The following MICU2 variants were observed in gnomAD, a reference collection of about 807,000 sequenced individuals.
MICU2 encodes calcium uptake protein 2, mitochondrial.
MICU2 carries 64 observed loss-of-function variants against 60.4 expected under a neutral mutation model. The observed-to-expected ratio is 1.06, with a 90% CI of 0.87 to 1.31. The LOEUF is 1.31. Ranked by LOEUF, MICU2 falls within the 50% of genes most tolerant of loss-of-function variation. MICU2 has a pLI of 0.00. For missense variants in MICU2, 569 were observed against 531.0 expected, an observed-to-expected ratio of 1.07 and a Z score of -0.70; for synonymous variants, 201 against 175.0, an observed-to-expected ratio of 1.15 and a Z score of -1.17.
chr13:21,573,625 A>C (rs539426401), intron 1 of MICU2, among the ~76,000 whole-genome samples: 2 of 152,268 alleles, frequency 1.3e-5, no homozygotes, highest in East Asian at 3.9e-4. Flanking sequence ...AGAGGACCTC[A>C]GGGGAAACTG....
chr13:21,533,956 G>A (rs1318285478), intron 4 of MICU2, among the ~76,000 whole-genome samples: 2 of 151,928 alleles, frequency 1.3e-5, no homozygotes, highest in East Asian at 3.9e-4. Flanking sequence ...ATAATTTCAT[G>A]TTTTTATTCA....
intron 7 of MICU2, among the ~76,000 whole-genome samples, chr13:21,513,607 G>C (rs1392448870): frequency 1.3e-5 from 2 of 151,712 alleles, no homozygotes; most frequent in Non-Finnish European, 2.9e-5. Flanking sequence ...TGTGTGGGTG[G>C]CATGTGCCTG....
intron 6 of MICU2, among the ~76,000 whole-genome samples, chr13:21,517,810 C>CGT (rs1555271294): frequency 6.6e-6 from 1 of 151,370 alleles, no homozygotes; most frequent in African/African-American, 2.4e-5. Flanking sequence ...CGCGCGCGCG[C>CGT]GCGCACACGC....
chr13:21,537,707 G>C (rs1887168054), intron 4 of MICU2, among the ~76,000 whole-genome samples: 2 of 152,048 alleles, frequency 1.3e-5, no homozygotes, highest in African/African-American at 2.4e-5. Flanking sequence ...TGTACCTCAG[G>C]TGATCGGGCT....
intron 5 of MICU2, 50 bp downstream of exon 5, chr13:21,522,553 A>G: frequency 7.0e-7 from 1 of 1,434,438 alleles, no homozygotes; most frequent in Non-Finnish European, 9.6e-7. Flanking sequence ...CCTGTTTGGT[A>G]AGAACAGAGA....
chr13:21,592,893 A>T (rs1398733896), intron 1 of MICU2, among the ~76,000 whole-genome samples: 1 of 152,236 alleles, frequency 6.6e-6, no homozygotes, highest in Non-Finnish European at 1.5e-5. Context: ...ATTTAAGACA[A>T]ACCCACAGCC....
rs557095285 is a variant in MICU2 at position 21,512,811 on chromosome 13, A to G, written c.663+1542T>C. ...ATCTAAGAAACTGTTGCCAAATCCA[A>G]TGCCATGAAGCTTTGCTCTTATGTT... is the stretch of plus-strand genomic sequence containing the variant. On this transcript the variant is annotated intron_variant, in intron 7 of 11. Coordinates refer to ENST00000382374, the MANE Select transcript of MICU2 (RefSeq NM_152726.3). 9.2e-5 allele frequency among the ~76,000 whole-genome samples: 14 copies of G among 152,284 alleles called. No individual in the cohort carries two copies. The South Asian group carries it at 2.5e-3, about 27-fold the overall frequency.
intron 2 of MICU2, among the ~76,000 whole-genome samples, chr13:21,555,176 C>A (rs898003234): frequency 2.4e-4 from 36 of 152,100 alleles, no homozygotes; most frequent in Non-Finnish European, 4.4e-4. Context: ...TTTATGAGGC[C>A]AGCATCATCC....
At chr13:21,556,398 T>C (rs956283910) in intron 2 of MICU2, among the ~76,000 whole-genome samples, 3 of 152,204 alleles carry the variant, frequency 2.0e-5, no homozygotes, top group Admixed American at 2.0e-4. Flanking sequence ...CCTCCAAATG[T>C]TGGAATAACT....
At chr13:21,554,694 A>G (rs1887658364) in intron 2 of MICU2, among the ~76,000 whole-genome samples, 1 of 152,248 alleles carries the variant, frequency 6.6e-6, no homozygotes, top group South Asian at 2.1e-4. Context: ...TGAAGGAAAT[A>G]GAGATACAAA....
chr13:21,562,525 A>C (rs1037973055), intron 2 of MICU2, among the ~76,000 whole-genome samples: 2 of 152,114 alleles, frequency 1.3e-5, no homozygotes, highest in Non-Finnish European at 2.9e-5. Flanking sequence ...CCTCTCTTAG[A>C]ATGTCAATTC....
chr13:21,556,851 T>C (rs746510512), intron 2 of MICU2, among the ~76,000 whole-genome samples: 11 of 152,006 alleles, frequency 7.2e-5, no homozygotes, highest in Non-Finnish European at 1.0e-4. Flanking sequence ...ACGAAGGAAA[T>C]AGGAGAAAGC....
chr13:21,492,730 T>C lies in MICU2; in HGVS notation c.*519A>G, dbSNP rs1281669371. On this transcript the variant is annotated 3_prime_UTR_variant, in exon 12 of 12. Coordinates refer to ENST00000382374, the MANE Select transcript of MICU2 (RefSeq NM_152726.3). ...GTAAATATTTTATTCTGCTTCCAGA[T>C]AGAACATTGAAGTTTACATGTTATT... 2 of 152,366 alleles carry C rather than the reference T, an allele frequency of 1.3e-5. No homozygotes were observed. The highest frequency in any genetic ancestry group is 2.9e-5 in the Non-Finnish European group (2 of 68,038). 9.4% of individuals were successfully genotyped at this position (152,366 alleles called of 1,614,324 possible).
chr13:21,563,263 G>T (rs1887892429), intron 2 of MICU2, among the ~76,000 whole-genome samples: 1 of 152,044 alleles, frequency 6.6e-6, no homozygotes, highest in South Asian at 2.1e-4. Flanking sequence ...AGACCATCCT[G>T]GCTAACACGG....
At chr13:21,518,386 C>T (rs1416038021) in intron 6 of MICU2, among the ~76,000 whole-genome samples, 1 of 152,102 alleles carries the variant, frequency 6.6e-6, no homozygotes. Context: ...TGTGATTTGG[C>T]CACATATCAC....
At chr13:21,573,669 G>A (rs1185901334) in intron 1 of MICU2, among the ~76,000 whole-genome samples, 1 of 151,898 alleles carries the variant, frequency 6.6e-6, no homozygotes, top group Non-Finnish European at 1.5e-5. Context: ...TGTAAATAAG[G>A]TTAGAACCAT....
rs191794298 is a variant in MICU2 at position 21,539,588 on chromosome 13, G to A, written c.390+69C>T. The A allele has an allele frequency of 5.3e-3, 8,474 of 1,596,010 alleles. 37 individuals carry two copies. Among genetic ancestry groups the A allele is most frequent in the Non-Finnish European group, 6.1e-3 (7,128 of 1,164,140 alleles). On this transcript the variant is annotated intron_variant, in intron 3 of 11. Transcript: ENST00000382374. ...GCTGGGATTACAGGTGTGAGCCACC[G>A]TGCCCGGCCAAAAGTTCATTTTCTA...
intron 1 of MICU2, among the ~76,000 whole-genome samples, chr13:21,584,388 CAAA>C (rs369331807): frequency 2.9e-5 from 3 of 103,424 alleles, no homozygotes; most frequent in Non-Finnish European, 1.9e-5. Context: ...GACTCCATCT[CAAA>C]AAAAAAAAAA....
intron 8 of MICU2, among the ~76,000 whole-genome samples, chr13:21,507,267 T>C (rs1292211904): frequency 1.3e-5 from 2 of 152,160 alleles, no homozygotes; most frequent in South Asian, 2.1e-4. Flanking sequence ...ATCATTCCCA[T>C]TGAAGAAAAG....
Sources: allele counts gnomAD v4.1 joint callset (sites outside exome capture counted in the v4.1 genomes callset), GRCh38; gene constraint gnomAD v4.1.1; transcripts MANE v1.5; gene names NCBI Gene and HGNC (gene_info 2026-07-23, HGNC 2026-07-21).